Variants in KCNB2 observed in about 807,000 individuals in gnomAD.
KCNB2 encodes the protein delayed rectifier potassium channel protein.
Under a neutral mutation model 61.5 loss-of-function variants are expected in KCNB2, and 15 were observed. The ratio of observed to expected loss-of-function variants is 0.24; its 90% CI spans 0.16 to 0.38. KCNB2 has a LOEUF of 0.38. KCNB2 is among the 10% of genes least tolerant of loss of function. The pLI is 1.00. For synonymous variants in KCNB2, 457 were observed against 446.0 expected (o/e 1.02, Z -0.31); for missense variants, 828 against 1,125.2 (o/e 0.74, Z 3.78).
intron 2 of KCNB2, among the ~76,000 whole-genome samples, chr8:72,788,952 T>TATTG (rs928491918): frequency 3.9e-5 from 6 of 152,256 alleles, no homozygotes; most frequent in Non-Finnish European, 7.4e-5. Flanking sequence ...GTTTTATCTT[T>TATTG]ATTGATTCTT....
chr8:72,587,486 G>A (rs1212633650), intron 2 of KCNB2, among the ~76,000 whole-genome samples: 1 of 152,208 alleles, frequency 6.6e-6, no homozygotes, highest in Non-Finnish European at 1.5e-5. Flanking sequence ...CACTTTGGGA[G>A]GCCAAGGCAG....
intron 2 of KCNB2, among the ~76,000 whole-genome samples, chr8:72,803,662 G>T (rs181613248): frequency 1.1e-4 from 17 of 152,310 alleles, no homozygotes; most frequent in African/African-American, 3.6e-4. Flanking sequence ...ACTACCTGCA[G>T]AAAGTGACAT....
intron 2 of KCNB2, among the ~76,000 whole-genome samples, chr8:72,601,563 T>G (rs1805352497): frequency 6.6e-6 from 1 of 152,176 alleles, no homozygotes; most frequent in South Asian, 2.1e-4. Flanking sequence ...TTAACCCCCT[T>G]TATGTGAAGT....
intron 2 of KCNB2, among the ~76,000 whole-genome samples, chr8:72,577,366 C>G (rs1806814005): frequency 6.6e-6 from 1 of 152,120 alleles, no homozygotes; most frequent in East Asian, 1.9e-4. Flanking sequence ...TATACTACCA[C>G]CTCTTCATTA....
chr8:72,848,120 T>C (rs1175802985), intron 2 of KCNB2, among the ~76,000 whole-genome samples: 1 of 152,220 alleles, frequency 6.6e-6, no homozygotes, highest in African/African-American at 2.4e-5. Context: ...GAGGCTGTTA[T>C]TTACACCAGT....
At chr8:72,662,489 G>A (rs2250131) in intron 2 of KCNB2, among the ~76,000 whole-genome samples, 2,835 of 152,280 alleles carry the variant, frequency 0.019, 49 homozygotes, top group Non-Finnish European at 0.029. Context: ...GGAGGATATG[G>A]ATGATGGCTG....
intron 2 of KCNB2, among the ~76,000 whole-genome samples, chr8:72,739,339 A>G (rs1157743374): frequency 2.6e-5 from 4 of 152,018 alleles, no homozygotes; most frequent in Admixed American, 2.6e-4. Flanking sequence ...TCAATGAGGT[A>G]TGGATCCTTA....
At chr8:72,707,808 A>G (rs1362693995) in intron 2 of KCNB2, among the ~76,000 whole-genome samples, 1 of 152,178 alleles carries the variant, frequency 6.6e-6, no homozygotes, top group African/African-American at 2.4e-5. Flanking sequence ...TTTCAAGGAA[A>G]TCATCAATTA....
chr8:72,750,786 A>C (rs1808175959), intron 2 of KCNB2: 1 of 152,124 alleles, frequency 6.6e-6, no homozygotes, highest in Non-Finnish European at 1.5e-5. Flanking sequence ...TAATGGCTAC[A>C]TGTACTTTCC....
In KCNB2 at chr8:72,652,427, A is replaced by G. The variant is rs78105192; in HGVS notation, c.579+84114A>G. Among the ~76,000 whole-genome samples, 1,385 of 152,128 alleles carry G rather than the reference A, an allele frequency of 9.1e-3. 21 individuals carry two copies. Among genetic ancestry groups the G allele is most frequent in the African/African-American group, 0.033 (1,349 of 41,498 alleles). On this transcript the variant is annotated intron_variant, in intron 2 of 2. Coordinates refer to ENST00000523207, the MANE Select transcript of KCNB2 (RefSeq NM_004770.3). Reference sequence around the variant, plus strand: ...CTATATCCTCTCTTGCCCTCCTGCCACAGCCAATGTTTTTCCATGGGGCAT... The same window carrying G: ...CTATATCCTCTCTTGCCCTCCTGCCGCAGCCAATGTTTTTCCATGGGGCAT...
chr8:72,544,392 A>T (rs1351296925), intron 1 of KCNB2, among the ~76,000 whole-genome samples: 1 of 152,310 alleles, frequency 6.6e-6, no homozygotes, highest in Non-Finnish European at 1.5e-5. Context: ...GAAAATTTTT[A>T]AAAAGTGGTG....
At chr8:72,670,871 A>G (rs1806552624) in intron 2 of KCNB2, among the ~76,000 whole-genome samples, 2 of 152,088 alleles carry the variant, frequency 1.3e-5, no homozygotes, top group East Asian at 1.9e-4. Flanking sequence ...GTTTTTAAAT[A>G]TTACCTCTCC....
At chr8:72,810,493 A>G (rs1173730508) in intron 2 of KCNB2, among the ~76,000 whole-genome samples, 1 of 152,226 alleles carries the variant, frequency 6.6e-6, no homozygotes, top group Non-Finnish European at 1.5e-5. Flanking sequence ...TCTGATGGGC[A>G]TATGAATTTC....
chr8:72,560,510 C>T (rs190377024), intron 1 of KCNB2, among the ~76,000 whole-genome samples: 77 of 152,156 alleles, frequency 5.1e-4, no homozygotes, highest in Non-Finnish European at 7.8e-4. Context: ...TGTTGGTTGC[C>T]TTCCTTATTT....
chr8:72,832,893 ACT>A (rs1347132440), intron 2 of KCNB2, among the ~76,000 whole-genome samples: 8 of 151,994 alleles, frequency 5.3e-5, no homozygotes, highest in African/African-American at 1.9e-4. Context: ...AGAGCGAGAT[ACT>A]CTCTGTCTTC....
intron 2 of KCNB2, among the ~76,000 whole-genome samples, chr8:72,605,816 ATTTATC>A (rs767870160): frequency 6.3e-4 from 96 of 152,276 alleles, no homozygotes; most frequent in South Asian, 1.2e-3. Flanking sequence ...ATTAAATAGA[ATTTATC>A]TTTATAGGAA....
intron 2 of KCNB2, among the ~76,000 whole-genome samples, chr8:72,716,614 A>C (rs201384381): frequency 4.0e-5 from 6 of 148,950 alleles, no homozygotes; most frequent in Admixed American, 6.7e-5. Flanking sequence ...ATTCAACAAC[A>C]CTTCATGCTA....
At chr8:72,635,858 A>G (rs1805957623) in intron 2 of KCNB2, among the ~76,000 whole-genome samples, 1 of 152,194 alleles carries the variant, frequency 6.6e-6, no homozygotes, top group Non-Finnish European at 1.5e-5. Context: ...CCAACAGTGC[A>G]GGCTTTAGAG....
intron 2 of KCNB2, among the ~76,000 whole-genome samples, chr8:72,773,318 G>A (rs1334744905): frequency 6.6e-6 from 1 of 152,180 alleles, no homozygotes; most frequent in Non-Finnish European, 1.5e-5. Flanking sequence ...CCCATGTGGT[G>A]AAAACAGGTT....
Sources: gnomAD v4.1 joint callset for allele counts (sites outside exome capture counted in the v4.1 genomes callset) on GRCh38, gnomAD v4.1.1 for gene constraint, MANE v1.5 for transcripts, NCBI Gene and HGNC (gene_info 2026-07-23, HGNC 2026-07-21) for gene names.